The following ZZZ3 variants were observed in gnomAD, a reference collection of about 807,000 sequenced individuals.
ZZZ3 encodes ZZ-type zinc finger-containing protein 3.
A neutral mutation model predicts 95.2 loss-of-function variants in ZZZ3; 22 were observed. That is an observed-to-expected ratio of 0.23 (90% CI 0.17 to 0.33). The LOEUF (loss-of-function observed/expected upper bound fraction) is 0.33, where lower values mean the gene tolerates loss of function less well. Ranked by LOEUF, ZZZ3 falls within the 10% of genes least tolerant of loss-of-function variation. The pLI is 1.00. For missense variants in ZZZ3, 885 were observed against 1,066.5 expected (o/e 0.83, Z 2.37); for synonymous variants, 335 against 358.9 (o/e 0.93, Z 0.75).
In ZZZ3 at chr1:77,633,344, G is replaced by C. The variant is rs750078565; in HGVS notation, c.11C>G (p.Ser4Cys). The change falls in exon 5 of 15, where the codon TCC (serine) becomes TGC (cysteine). Residue 4 changes from serine to cysteine, a missense_variant. Ser to Cys is a moderately radical substitution (Grantham distance 112, BLOSUM62 -1). This residue lies in a region of ZZZ3 where 556 missense variants were observed against 652.9 expected (regional missense o/e 0.85). Transcript: ENST00000370801. ...TGATCTTGTAACACGAGTAGATCGG[G>C]AAGCAGCCATACTATGGCAAGTCCC... MAASRSTRVTRSTV... is the reference protein window; with the variant it reads MAACRSTRVTRSTV... 6.2e-7 allele frequency: 1 copy of C among 1,603,724 alleles called. No homozygotes were observed. The highest frequency in any genetic ancestry group is 8.5e-7 in the Non-Finnish European group (1 of 1,174,670).
Position 77,632,261 on chromosome 1 carries a change from A to G in ZZZ3, c.1094T>C (p.Met365Thr). The G allele has an allele frequency of 6.2e-7, 1 of 1,614,120 alleles. No homozygotes were observed. The highest frequency in any genetic ancestry group is 1.1e-5 in the South Asian group (1 of 91,074). Reference protein sequence around the residue: ...SPVLDCVSAQMMSLSEPQEHR... With the variant: ...SPVLDCVSAQTMSLSEPQEHR... The stretch of plus-strand genomic sequence containing the variant: ...TTCTTGAGGTTCTGATAAAGACATC[A>G]TTTGAGCTGAAACACAGTCTAGAAC... Residue 365 changes from methionine (M) to threonine (T), a missense_variant, in exon 5 of 15, where the codon ATG becomes ACG. By Grantham distance (81) the Met-to-Thr change is moderately conservative. Around this residue, in one of 5 missense-constraint regions of ZZZ3, gnomAD observed 556 missense variants for 652.9 expected, o/e 0.85. Coordinates refer to ENST00000370801, the MANE Select transcript of ZZZ3 (RefSeq NM_015534.6).
At chr1:77,610,031 T>C (rs1665632588) in intron 5 of ZZZ3, among the ~76,000 whole-genome samples, 1 of 149,696 alleles carries the variant, frequency 6.7e-6, no homozygotes. Flanking sequence ...GTAAATGAAA[T>C]TGAAACAAAG....
intron 5 of ZZZ3, among the ~76,000 whole-genome samples, chr1:77,607,205 C>A (rs1960060): frequency 0.051 from 7,799 of 152,258 alleles, 325 homozygotes; most frequent in East Asian, 0.066. Context: ...AACAAAGTCA[C>A]GTCTTACATG....
intron 13 of ZZZ3, 50 bp from the exon 14 acceptor site, chr1:77,566,231 CT>C (rs1660813610): frequency 7.4e-7 from 1 of 1,351,736 alleles, no homozygotes; most frequent in Non-Finnish European, 1.0e-6. Flanking sequence ...GTTCCACGAT[CT>C]TTTTTATTTT....
intron 12 of ZZZ3, among the ~76,000 whole-genome samples, chr1:77,570,110 T>C (rs1020485687): frequency 1.3e-5 from 2 of 152,348 alleles, no homozygotes; most frequent in South Asian, 4.1e-4. Context: ...TTTTCTTTTT[T>C]TTCTTTTTTT....
rs767425944 is a variant in ZZZ3 at position 77,641,370 on chromosome 1, G to A, written c.-206+14C>T. 3 of 390,764 alleles carry A rather than the reference G, an allele frequency of 7.7e-6. No individual in the cohort carries two copies. Among genetic ancestry groups the A allele is most frequent in the Admixed American group, 4.4e-5 (1 of 22,536 alleles). The allele number at this position is 390,764 out of a possible 1,614,324, so 24.2% of individuals were successfully genotyped here. On this transcript the variant is annotated intron_variant, in intron 3 of 14. Transcript: ENST00000370801. ...AACATCTGCAACTGTTATTTTCACA[G>A]AACTGATACTTACAGCTGAGCTCTA...
chr1:77,656,332 A>AT (rs924523580), intron 1 of ZZZ3, among the ~76,000 whole-genome samples: 2 of 151,958 alleles, frequency 1.3e-5, no homozygotes, highest in Non-Finnish European at 2.9e-5. Flanking sequence ...TTTAATGTCA[A>AT]TTTTTTTTAA....
chr1:77,647,185 C>T (rs1422570796), intron 1 of ZZZ3, among the ~76,000 whole-genome samples: 1 of 152,132 alleles, frequency 6.6e-6, no homozygotes, highest in Non-Finnish European at 1.5e-5. Flanking sequence ...GAAAAAAATA[C>T]ATGGCAACAC....
At chr1:77,656,261 T>C (rs1670259781) in intron 1 of ZZZ3, among the ~76,000 whole-genome samples, 1 of 152,214 alleles carries the variant, frequency 6.6e-6, no homozygotes, top group Admixed American at 6.5e-5. Context: ...CAGTTAAATT[T>C]AGGAAAAAAG....
intron 3 of ZZZ3, among the ~76,000 whole-genome samples, chr1:77,640,612 A>G (rs1203931779): frequency 6.6e-6 from 1 of 151,998 alleles, no homozygotes; most frequent in Non-Finnish European, 1.5e-5. Context: ...AAAAAAAAAA[A>G]AAAAAGAGAG....
chr1:77,599,002 G>A (rs545154185), intron 5 of ZZZ3, among the ~76,000 whole-genome samples: 120 of 152,208 alleles, frequency 7.9e-4, no homozygotes, highest in African/African-American at 2.7e-3. Flanking sequence ...ACATTCTGAT[G>A]AGGAGGCTGG....
At chr1:77,584,496 T>G (rs1662878616) in intron 6 of ZZZ3, 21 bp downstream of exon 6, 1 of 1,587,530 alleles carries the variant, frequency 6.3e-7, no homozygotes, top group African/African-American at 1.4e-5. Context: ...TAGTAAATCT[T>G]AAAAACAGTT....
intron 12 of ZZZ3, among the ~76,000 whole-genome samples, chr1:77,571,351 G>A (rs1661367077): frequency 6.6e-6 from 1 of 152,152 alleles, no homozygotes; most frequent in Admixed American, 6.5e-5. Flanking sequence ...ATGCACTGTT[G>A]GTGAGAATGT....
In ZZZ3 at chr1:77,594,478, C is replaced by G. The variant is rs561389151; in HGVS notation, c.1506-9823G>C. ...TGCTGTCCCATAGCATAGTAAGGTT[C>G]AAGAAACAGAAAGTGCTCATAAAAA... is the stretch of plus-strand genomic sequence containing the variant. On this transcript the variant is annotated intron_variant, in intron 5 of 14. Coordinates refer to ENST00000370801, the MANE Select transcript of ZZZ3 (RefSeq NM_015534.6). Among the ~76,000 whole-genome samples, 3 of 152,048 alleles carry G rather than the reference C, an allele frequency of 2.0e-5. No homozygotes were observed. In the East Asian group the frequency reaches 5.8e-4, roughly 29 times the overall value.
chr1:77,609,356 T>C (rs1665553542), intron 5 of ZZZ3, among the ~76,000 whole-genome samples: 2 of 152,152 alleles, frequency 1.3e-5, no homozygotes, highest in Non-Finnish European at 2.9e-5. Context: ...GAAATATATA[T>C]GCACTCAACA....
chr1:77,604,364 T>A (rs1042831363), intron 5 of ZZZ3, among the ~76,000 whole-genome samples: 2 of 152,234 alleles, frequency 1.3e-5, no homozygotes, highest in African/African-American at 4.8e-5. Context: ...TAAGAATTAC[T>A]AGTAATAGAG....
In ZZZ3 at chr1:77,565,757, T is replaced by C. The variant is rs1314329632; in HGVS notation, c.2595A>G (p.Glu865=). The part of the protein sequence containing the change: ...DCLHETDIHK[E]DHQLEPIYRS... ...TATAAATAGGTTCTAATTGGTGATCTTCCTTGTGAATATCTGTTTCATGTA... is the reference window on the plus strand; with the variant it reads ...TATAAATAGGTTCTAATTGGTGATCCTCCTTGTGAATATCTGTTTCATGTA... The change falls in exon 15 of 15, where the codon GAA becomes GAG. Residue 865 remains glutamate (E), a synonymous_variant. Coordinates refer to ENST00000370801, the MANE Select transcript of ZZZ3 (RefSeq NM_015534.6). 6.2e-7 allele frequency: 1 copy of C among 1,613,562 alleles called. No homozygotes were observed. Among genetic ancestry groups the C allele is most frequent in the East Asian group, 2.2e-5 (1 of 44,868 alleles).
intron 11 of ZZZ3, among the ~76,000 whole-genome samples, 193 bp from the exon 12 acceptor site, chr1:77,576,413 A>C (rs777600397): frequency 9.9e-5 from 15 of 152,010 alleles, no homozygotes; most frequent in Non-Finnish European, 2.2e-4. Context: ...AATTTTTTTT[A>C]AATGTAGGGG....
intron 5 of ZZZ3, among the ~76,000 whole-genome samples, chr1:77,611,597 T>C (rs547990385): frequency 6.6e-6 from 1 of 151,968 alleles, no homozygotes; most frequent in African/African-American, 2.4e-5. Flanking sequence ...CAAAATATAC[T>C]ACACAAAGCT....
Sources: allele counts gnomAD v4.1 joint callset (sites outside exome capture counted in the v4.1 genomes callset), GRCh38; gene constraint gnomAD v4.1.1; regional missense constraint gnomAD v4.1.1; transcripts MANE v1.5; gene names NCBI Gene and HGNC (gene_info 2026-07-23, HGNC 2026-07-21).